The following CYP4F3 variants were observed in gnomAD, a reference collection of about 807,000 sequenced individuals.
The protein encoded by CYP4F3 is cytochrome P450 family 4 subfamily F member 3.
CYP4F3 carries 50 observed loss-of-function variants against 54.8 expected under a neutral mutation model. The ratio of observed to expected loss-of-function variants is 0.91; its 90% CI spans 0.73 to 1.16. CYP4F3 has a LOEUF of 1.16. Among genes scored for constraint, CYP4F3 ranks in the 50% most tolerant of loss-of-function variants. The pLI, the probability that CYP4F3 is intolerant of heterozygous loss-of-function variation, is 0.00. For synonymous variants in CYP4F3, 244 were observed against 262.6 expected, an observed-to-expected ratio of 0.93 and a Z score of 0.69; for missense variants, 715 against 676.2, an observed-to-expected ratio of 1.06 and a Z score of -0.64.
intron 2 of CYP4F3, among the ~76,000 whole-genome samples, chr19:15,643,743 G>C (rs949423887): frequency 1.3e-5 from 2 of 152,142 alleles, no homozygotes; most frequent in African/African-American, 4.8e-5. Context: ...GCCCACACTG[G>C]GGAGGGTGAT....
intron 9 of CYP4F3, among the ~76,000 whole-genome samples, chr19:15,657,287 C>T (rs1973052973): frequency 6.6e-6 from 1 of 152,178 alleles, no homozygotes; most frequent in African/African-American, 2.4e-5. Flanking sequence ...AATCAAAGAC[C>T]ATTTGCACTG....
At chr19:15,644,172 C>T in intron 2 of CYP4F3, 1 of 1,211,510 alleles carries the variant, frequency 8.3e-7, no homozygotes, top group East Asian at 2.9e-5. Flanking sequence ...TCTCTCTCAG[C>T]CATCTTCATC....
At chr19:15,647,413 G>C in intron 5 of CYP4F3, 89 bp downstream of exon 5, 1 of 1,577,814 alleles carries the variant, frequency 6.3e-7, no homozygotes, top group South Asian at 1.2e-5. Context: ...GCTCTGCTGG[G>C]TGCCTCTGGG....
Position 15,659,553 on chromosome 19 carries a change from T to C in CYP4F3, c.*168T>C, listed in dbSNP as rs192054339. 2.6e-4 allele frequency: 314 copies of C among 1,229,470 alleles called. No homozygotes were observed. In the African/African-American group the frequency reaches 4.4e-3, roughly 17 times the overall value. The allele number at this position is 1,229,470 out of a possible 1,614,324, so 76.2% of individuals were successfully genotyped here. On this transcript the variant is annotated 3_prime_UTR_variant, in exon 13 of 13. Transcript: ENST00000221307. ...ACAGAAAGACGCTTGTGCGTGAATG[T>C]TCATGGCAGCCCTATTCACAGTAGC...
intron 2 of CYP4F3, among the ~76,000 whole-genome samples, chr19:15,643,454 ATAG>A (rs1972534097): frequency 6.6e-6 from 1 of 151,854 alleles, no homozygotes; most frequent in African/African-American, 2.4e-5. Context: ...AGATAGATAG[ATAG>A]ACAGACAGGC....
Position 15,643,405 on chromosome 19 carries a change from A to ATAG in CYP4F3, c.198+1792_198+1793insTAG, listed in dbSNP as rs1972528949. 6.2e-3 allele frequency among the ~76,000 whole-genome samples: 616 copies of ATAG among 99,360 alleles called. 3 individuals carry two copies. The highest frequency in any genetic ancestry group is 0.016 in the African/African-American group (380 of 24,170). The allele number at this position is 99,360 out of a possible 152,430, so 65.2% of individuals were successfully genotyped here. A position where few individuals can be genotyped will look rare whatever the true frequency, so the allele number is the denominator to read the frequency against. On this transcript the variant is annotated intron_variant, in intron 2 of 12. Coordinates refer to ENST00000221307, the MANE Select transcript of CYP4F3 (RefSeq NM_000896.3). ...AGATATGTAGAGATATATATAGGTA[A>ATAG]ATAGATAGATAGATAGATAGATAGA...
At position 15,641,589 on chromosome 19, in the gene CYP4F3, T is replaced by C. The variant is rs1257691948; in HGVS notation, c.174T>C (p.Asn58=). The stretch of plus-strand genomic sequence containing the variant: ...GTTTCCCGCAACCCCCGAAACGGAA[T>C]TGGTTCTTGGGTCACCTGGGCCTGG... ...LRCFPQPPKR[N]WFLGHLGLIH... is the part of the protein sequence containing the mutation. Residue 58 remains asparagine, a synonymous_variant, in exon 2 of 13, where the codon AAT becomes AAC. Coordinates refer to ENST00000221307, the MANE Select transcript of CYP4F3 (RefSeq NM_000896.3). The C allele has an allele frequency of 1.9e-6, 3 of 1,613,840 alleles. No individual in the cohort carries two copies. Among genetic ancestry groups the C allele is most frequent in the Admixed American group, 3.3e-5 (2 of 59,990 alleles).
rs377416451 is a variant in CYP4F3 at position 15,651,594 on chromosome 19, G to A, written c.919-975G>A. On this transcript the variant is annotated intron_variant, in intron 7 of 12. Coordinates refer to ENST00000221307, the MANE Select transcript of CYP4F3 (RefSeq NM_000896.3). ...AAACTCCTGAGCTCGTGATCTGCCT[G>A]TCTCAGCCTCCCAAAGTGCTGGGAT... Among the ~76,000 whole-genome samples, 17 of 96,422 alleles carry A rather than the reference G, an allele frequency of 1.8e-4. 1 individual carries two copies. The highest frequency in any genetic ancestry group is 5.6e-4 in the African/African-American group (17 of 30,148). 63.3% of individuals were successfully genotyped at this position (96,422 alleles called of 152,430 possible).
At chr19:15,656,770 T>TCCAC (rs1973037880) in intron 9 of CYP4F3, among the ~76,000 whole-genome samples, 1 of 106,368 alleles carries the variant, frequency 9.4e-6, no homozygotes, top group Admixed American at 1.0e-4. Flanking sequence ...CTATCTATCA[T>TCCAC]CCATCCATCC....
Position 15,647,315 on chromosome 19 carries a change from C to T in CYP4F3, c.516C>T (p.Asn172=). ...PYMKIFNESV[N]IMHAKWQLLA... is the part of the protein sequence containing the mutation. ...TGAAGATTTTCAATGAGAGTGTGAA[C>T]ATCATGCATGTGAGTTATTTGAAGC... is the stretch of plus-strand genomic sequence containing the variant. The change falls in exon 5 of 13, where the codon AAC becomes AAT. Residue 172 remains asparagine (N), a synonymous_variant. Coordinates refer to ENST00000221307, the MANE Select transcript of CYP4F3 (RefSeq NM_000896.3). 6.2e-7 allele frequency: 1 copy of T among 1,614,206 alleles called. No homozygotes were observed. Among genetic ancestry groups the T allele is most frequent in the Non-Finnish European group, 8.5e-7 (1 of 1,180,030 alleles).
At chr19:15,652,729 C>T in intron 8 of CYP4F3, 94 bp downstream of exon 8, 2 of 1,606,622 alleles carry the variant, frequency 1.2e-6, no homozygotes, top group South Asian at 2.2e-5. Flanking sequence ...ATCCCCCTTC[C>T]CCCATCCTCC....
intron 2 of CYP4F3, among the ~76,000 whole-genome samples, chr19:15,644,839 TG>T (rs1414188982): frequency 1.3e-5 from 2 of 152,230 alleles, no homozygotes; most frequent in African/African-American, 4.8e-5. Flanking sequence ...ACAGAGACCA[TG>T]GCTCTGGCCT....
rs145140748 is a variant in CYP4F3 at position 15,643,341 on chromosome 19, G to GATAGATAC, written c.198+1731_198+1732insGATACATA. Among the ~76,000 whole-genome samples, 333 of 148,858 alleles carry GATAGATAC rather than the reference G, an allele frequency of 2.2e-3. 2 individuals carry two copies. The highest frequency in any genetic ancestry group is 7.8e-3 in the African/African-American group (314 of 40,464). Reference sequence around the variant, plus strand: ...AGATAGATAGATAGATAGACAGATAGATACATACATACATACATATATAGA... The same window carrying GATAGATAC: ...AGATAGATAGATAGATAGACAGATAGATAGATACATACATACATACATACATATATAGA... On this transcript the variant is annotated intron_variant, in intron 2 of 12. Transcript: ENST00000221307.
chr19:15,641,155 G>A, intron 1 of CYP4F3: 1 of 485,898 alleles, frequency 2.1e-6, no homozygotes, highest in Admixed American at 3.5e-5. Flanking sequence ...AATGATTCAG[G>A]CTGGGCCTTT....
Position 15,658,354 on chromosome 19 carries a change from C to T in CYP4F3, c.1206C>T (p.Cys402=). ...CAGTCCCTGCCGTCTCTCGCTGCTG[C>T]ACCCAAGACATTGTGCTCCCAGACG... ...HPPVPAVSRC[C]TQDIVLPDGR... The change falls in exon 10 of 13, where the codon TGC becomes TGT. Residue 402 remains cysteine (C), a synonymous_variant. Transcript: ENST00000221307. 6.2e-7 allele frequency: 1 copy of T among 1,614,196 alleles called. No homozygotes were observed. Among genetic ancestry groups the T allele is most frequent in the Non-Finnish European group, 8.5e-7 (1 of 1,180,034 alleles).
At chr19:15,647,441 G>C (rs1972664210) in intron 5 of CYP4F3, 117 bp downstream of exon 5, 2 of 1,504,086 alleles carry the variant, frequency 1.3e-6, no homozygotes, top group Non-Finnish European at 1.8e-6. Flanking sequence ...CTTCCTCTCT[G>C]AGCTTTGGTT....
intron 2 of CYP4F3, among the ~76,000 whole-genome samples, chr19:15,644,553 G>T (rs1972568578): frequency 6.6e-6 from 1 of 152,086 alleles, no homozygotes. Context: ...CCCCTTGCCA[G>T]GTCTAGCGTC....
chr19:15,650,858 C>T (rs1319423446), intron 7 of CYP4F3, among the ~76,000 whole-genome samples: 2 of 46,986 alleles, frequency 4.3e-5, no homozygotes, highest in Non-Finnish European at 9.0e-5. Flanking sequence ...TTCTTTCTTT[C>T]TTTCTTTCTT....
rs1037401626 is a variant in CYP4F3, at chr19:15,652,769, A to C, written c.986-54A>C. On this transcript the variant is annotated intron_variant, in intron 8 of 12. Coordinates refer to ENST00000221307, the MANE Select transcript of CYP4F3 (RefSeq NM_000896.3). Reference sequence around the variant, plus strand: ...GGTCCTCAATGCAAGGTTGCTGTACACCCTCGGGTGCTGAAGCAGCCCAGA... The same window carrying C: ...GGTCCTCAATGCAAGGTTGCTGTACCCCCTCGGGTGCTGAAGCAGCCCAGA... 3.8e-6 allele frequency: 6 copies of C among 1,599,428 alleles called. No homozygotes were observed. The African/African-American group carries it at 4.0e-5, about 11-fold the overall frequency.
Sources: allele counts gnomAD v4.1 joint callset (sites outside exome capture counted in the v4.1 genomes callset), GRCh38; gene constraint gnomAD v4.1.1; transcripts MANE v1.5; gene names NCBI Gene and HGNC (gene_info 2026-07-23, HGNC 2026-07-21).